The following DDI2 variants were observed in gnomAD, a reference collection of about 807,000 sequenced individuals.
DDI2 encodes the protein DDI proteasomal shuttling factor 2.
Under a neutral mutation model 48.1 loss-of-function variants are expected in DDI2, and 5 were observed. That is an observed-to-expected ratio of 0.10 (90% CI 0.05 to 0.22). DDI2 has a LOEUF of 0.22. DDI2 is among the 10% of genes least tolerant of loss of function. DDI2 has a pLI of 1.00. For missense variants in DDI2, 285 were observed against 506.2 expected, an observed-to-expected ratio of 0.56 and a Z score of 4.19; for synonymous variants, 205 against 183.6, an observed-to-expected ratio of 1.12 and a Z score of -0.94.
rs962195370 is a variant in DDI2 at position 15,665,222 on chromosome 1, A to T, written c.*5432A>T. 1 of 148,696 alleles carries T rather than the reference A, an allele frequency of 6.7e-6. No homozygotes were observed. Among genetic ancestry groups the T allele is most frequent in the African/African-American group, 2.6e-5 (1 of 39,134 alleles). 9.2% of individuals were successfully genotyped at this position (148,696 alleles called of 1,614,324 possible). A position where few individuals can be genotyped will look rare whatever the true frequency, so the allele number is the denominator to read the frequency against. On this transcript the variant is annotated 3_prime_UTR_variant, in exon 10 of 10. Coordinates refer to ENST00000480945, the MANE Select transcript of DDI2 (RefSeq NM_032341.5). ...GGTTGTGGTGAGCAGAGATCACGCC[A>T]TTGCACTCCAGCCTGGGCAACAAGA...
chr1:15,658,852 A>G (rs912099127), intron 9 of DDI2, among the ~76,000 whole-genome samples: 3 of 152,122 alleles, frequency 2.0e-5, no homozygotes, highest in African/African-American at 2.4e-5. Flanking sequence ...TAATGATACT[A>G]TGATGCTTAC....
Position 15,661,780 on chromosome 1 carries a change from C to G in DDI2, c.*1990C>G, listed in dbSNP as rs368257356. ...CCCTTTAAACAAAAGAAAGCTCTCTCTATATACACGCACACATACACACTC... is the reference window on the plus strand; with the variant it reads ...CCCTTTAAACAAAAGAAAGCTCTCTGTATATACACGCACACATACACACTC... On this transcript the variant is annotated 3_prime_UTR_variant, in exon 10 of 10. Coordinates refer to ENST00000480945, the MANE Select transcript of DDI2 (RefSeq NM_032341.5). 1 of 1,528,354 alleles carries G rather than the reference C, an allele frequency of 6.5e-7. No homozygotes were observed. 94.7% of individuals were successfully genotyped at this position (1,528,354 alleles called of 1,614,324 possible).
rs115992182 is a variant in DDI2 at position 15,622,991 on chromosome 1, A to G, written c.139-3678A>G. 8.8e-3 allele frequency among the ~76,000 whole-genome samples: 1,337 copies of G among 152,300 alleles called. 19 individuals carry two copies. Among genetic ancestry groups the G allele is most frequent in the African/African-American group, 0.029 (1,225 of 41,564 alleles). On this transcript the variant is annotated intron_variant, in intron 1 of 9. Coordinates refer to ENST00000480945, the MANE Select transcript of DDI2 (RefSeq NM_032341.5). ...GCGCTGAAGCAACATTTCATATTTC[A>G]TAGACATGCTCAATGTGGTGGTTAT... is the stretch of plus-strand genomic sequence containing the variant.
chr1:15,620,371 A>G lies in DDI2; in HGVS notation c.138+2563A>G, dbSNP rs1570963268. Reference sequence around the variant, plus strand: ...TCATTTCCTTTCATCAAATCATAATAGTAAACATCACTATAGTTTTTACCC... The same window carrying G: ...TCATTTCCTTTCATCAAATCATAATGGTAAACATCACTATAGTTTTTACCC... On this transcript the variant is annotated intron_variant, in intron 1 of 9. Coordinates refer to ENST00000480945, the MANE Select transcript of DDI2 (RefSeq NM_032341.5). Among the ~76,000 whole-genome samples, 3 of 152,182 alleles carry G rather than the reference A, an allele frequency of 2.0e-5. No individual in the cohort carries two copies. In the East Asian group the frequency reaches 5.8e-4, roughly 29 times the overall value.
intron 4 of DDI2, 140 bp from the exon 5 acceptor site, chr1:15,638,167 G>GCACCAATT: frequency 4.3e-6 from 5 of 1,171,668 alleles, no homozygotes; most frequent in Non-Finnish European, 6.0e-6. Flanking sequence ...GCCCCATATA[G>GCACCAATT]CACCAATTTT....
rs1402125900 is a variant in DDI2 at position 15,636,168 on chromosome 1, G to A, written c.633-2139G>A. ...TTGTTTGTTTTGAGACAGGGCCTCC[G>A]ACGTTTAGGCTGGAGTGTAGTGGCA... is the stretch of plus-strand genomic sequence containing the variant. On this transcript the variant is annotated intron_variant, in intron 4 of 9. Coordinates refer to ENST00000480945, the MANE Select transcript of DDI2 (RefSeq NM_032341.5). 3.3e-5 allele frequency among the ~76,000 whole-genome samples: 5 copies of A among 152,084 alleles called. 1 individual carries two copies. Among genetic ancestry groups the A allele is most frequent in the Admixed American group, 2.0e-4 (3 of 15,262 alleles).
At chr1:15,632,564 G>C (rs762125076) in intron 3 of DDI2, among the ~76,000 whole-genome samples, 2 of 152,116 alleles carry the variant, frequency 1.3e-5, no homozygotes, top group Non-Finnish European at 2.9e-5. Flanking sequence ...ATAGGTTCTT[G>C]TTGTAACATA....
chr1:15,645,844 T>G (rs1640082305), intron 6 of DDI2, among the ~76,000 whole-genome samples: 1 of 143,900 alleles, frequency 6.9e-6, no homozygotes, highest in African/African-American at 2.6e-5. Flanking sequence ...TACTCCAGCT[T>G]GGATGACAAT....
intron 3 of DDI2, among the ~76,000 whole-genome samples, chr1:15,631,109 C>G (rs1343583796): frequency 1.3e-5 from 2 of 152,220 alleles, no homozygotes; most frequent in Non-Finnish European, 2.9e-5. Flanking sequence ...TCCCAAAGTG[C>G]TGGGATTACA....
chr1:15,654,040 T>C (rs1481722231), intron 8 of DDI2, among the ~76,000 whole-genome samples: 2 of 152,214 alleles, frequency 1.3e-5, no homozygotes, highest in Non-Finnish European at 2.9e-5. Flanking sequence ...TTCTAGAAGC[T>C]GAATAGAATT....
intron 9 of DDI2, among the ~76,000 whole-genome samples, chr1:15,658,571 T>G (rs1197041113): frequency 6.6e-6 from 1 of 151,338 alleles, no homozygotes; most frequent in Non-Finnish European, 1.5e-5. Context: ...GAGACCACCC[T>G]GACCAACGTG....
intron 4 of DDI2, 29 bp from the exon 5 acceptor site, chr1:15,638,278 T>C (rs1241067391): frequency 1.2e-6 from 2 of 1,612,578 alleles, no homozygotes; most frequent in African/African-American, 2.7e-5. Context: ...ATTAATGCTT[T>C]CAGTGTCCCT....
chr1:15,635,475 G>A (rs1639913681), intron 4 of DDI2, among the ~76,000 whole-genome samples: 2 of 152,082 alleles, frequency 1.3e-5, no homozygotes, highest in African/African-American at 2.4e-5. Flanking sequence ...GCACGATCTC[G>A]GCTCATTGCA....
At position 15,644,927 on chromosome 1, in the gene DDI2, T is replaced by C. The variant is rs1570982253; in HGVS notation, c.889+1277T>C. Among the ~76,000 whole-genome samples, 3 of 151,648 alleles carry C rather than the reference T, an allele frequency of 2.0e-5. No homozygotes were observed. The East Asian group carries it at 5.8e-4, about 29-fold the overall frequency. On this transcript the variant is annotated intron_variant, in intron 6 of 9. Transcript: ENST00000480945. ...TTTTTTTGAAACAGTCTTTGTTCTG[T>C]CGCCCAGGCTGGAGTGCAGTGGCAC...
intron 3 of DDI2, among the ~76,000 whole-genome samples, chr1:15,631,313 G>A (rs1301006895): frequency 2.0e-5 from 3 of 152,016 alleles, no homozygotes; most frequent in South Asian, 2.1e-4. Flanking sequence ...ATGGAGTTTT[G>A]CCATGTTGTC....
At chr1:15,646,429 G>A (rs138338123) in intron 6 of DDI2, among the ~76,000 whole-genome samples, 6 of 152,324 alleles carry the variant, frequency 3.9e-5, no homozygotes, top group Admixed American at 3.3e-4. Context: ...GCTCATGCCT[G>A]TAATCCCAGC....
Position 15,661,905 on chromosome 1 carries a change from G to A in DDI2, c.*2115G>A, listed in dbSNP as rs1296629459. Reference sequence around the variant, plus strand: ...CAAAGTAATTTATGATCTTTTGTCTGATGAATTTGTCTATCCTACTTGTTA... The same window carrying A: ...CAAAGTAATTTATGATCTTTTGTCTAATGAATTTGTCTATCCTACTTGTTA... On this transcript the variant is annotated 3_prime_UTR_variant, in exon 10 of 10. Transcript: ENST00000480945. 1.2e-6 allele frequency: 1 copy of A among 866,630 alleles called. No homozygotes were observed. Among genetic ancestry groups the A allele is most frequent in the African/African-American group, 1.7e-5 (1 of 58,016 alleles). The allele number at this position is 866,630 out of a possible 1,614,324, so 53.7% of individuals were successfully genotyped here. A position where few individuals can be genotyped will look rare whatever the true frequency, so the allele number is the denominator to read the frequency against.
chr1:15,617,497 A>C lies in DDI2; in HGVS notation c.-174A>C. On this transcript the variant is annotated 5_prime_UTR_variant, in exon 1 of 10. Transcript: ENST00000480945. ...GCGTGTGGCGGCGGCCGTGCTTGCT[A>C]GTGAGGGCGGGAGGGAGTGACTCAC... 2 of 395,328 alleles carry C rather than the reference A, an allele frequency of 5.1e-6. No individual in the cohort carries two copies. Among genetic ancestry groups the C allele is most frequent in the Non-Finnish European group, 8.4e-6 (2 of 238,244 alleles). The allele number at this position is 395,328 out of a possible 1,614,324, so 24.5% of individuals were successfully genotyped here. A position where few individuals can be genotyped will look rare whatever the true frequency, so the allele number is the denominator to read the frequency against.
chr1:15,656,318 TCTA>T lies in DDI2; in HGVS notation c.1184-296_1184-294del, dbSNP rs1640273090. 13 of 962,238 alleles carry T rather than the reference TCTA, an allele frequency of 1.4e-5. No individual in the cohort carries two copies. The South Asian group carries it at 2.4e-4, about 18-fold the overall frequency. The allele number at this position is 962,238 out of a possible 1,614,324, so 59.6% of individuals were successfully genotyped here. A position where few individuals can be genotyped will look rare whatever the true frequency, so the allele number is the denominator to read the frequency against. On this transcript the variant is annotated intron_variant, in intron 8 of 9. Transcript: ENST00000480945. ...TAATCACCTAATTCGATCAGGTGGATCTACTTTCTTCACCTGTCTCACATTTGC... is the reference window on the plus strand; with the variant it reads ...TAATCACCTAATTCGATCAGGTGGATCTTTCTTCACCTGTCTCACATTTGC...
Sources: allele counts gnomAD v4.1 joint callset (sites outside exome capture counted in the v4.1 genomes callset), GRCh38; gene constraint gnomAD v4.1.1; transcripts MANE v1.5; gene names NCBI Gene and HGNC (gene_info 2026-07-23, HGNC 2026-07-21).